The following UTY variants were observed in gnomAD, a reference collection of about 807,000 sequenced individuals.
UTY encodes ubiquitously transcribed tetratricopeptide repeat containing, Y-linked.
Under a neutral mutation model 32.5 loss-of-function variants are expected in UTY, and 12 were observed. The ratio of observed to expected loss-of-function variants is 0.37; its 90% CI spans 0.24 to 0.60. The LOEUF is 0.60. Ranked by LOEUF, UTY falls within the 20% of genes least tolerant of loss-of-function variation. The pLI is 0.69. For missense variants in UTY, 303 were observed against 299.2 expected, an observed-to-expected ratio of 1.01 and a Z score of -0.09; for synonymous variants, 131 against 103.4, an observed-to-expected ratio of 1.27 and a Z score of -1.62.
rs755237252 is a variant in UTY, at chrY:13,251,002, G to A, written c.4308+15C>T. On this transcript the variant is annotated intron_variant, in intron 29 of 29. Transcript: ENST00000545955. ...AACCCACCTAATTAAGTGTACTCACGTGTTAATGACTTACTAGTGTAAATT... is the reference window on the plus strand; with the variant it reads ...AACCCACCTAATTAAGTGTACTCACATGTTAATGACTTACTAGTGTAAATT... 7.6e-6 allele frequency: 3 copies of A among 395,790 alleles called. No homozygotes were observed. The highest frequency in any genetic ancestry group is 9.2e-5 in the East Asian group (1 of 10,813).
chrY:13,411,021 A>T lies in UTY; in HGVS notation c.527T>A (p.Val176Glu). 1 of 396,609 alleles carries T rather than the reference A, an allele frequency of 2.5e-6. No homozygotes were observed. Among genetic ancestry groups the T allele is most frequent in the Non-Finnish European group, 3.5e-6 (1 of 282,903 alleles). Reference sequence around the variant, plus strand: ...TAAACTAGACTTGTAGTCTGTGTTCACTTTGAACATGAGCCCAAGTCGTAA... The same window carrying T: ...TAAACTAGACTTGTAGTCTGTGTTCTCTTTGAACATGAGCCCAAGTCGTAA... ...IHLRLGLMFK[V>E]NTDYKSSLKH... The change falls in exon 6 of 30, where the codon GTG becomes GAG. Residue 176 changes from valine to glutamate, a missense_variant. Val to Glu is a moderately radical substitution (Grantham distance 121, BLOSUM62 -2). Transcript: ENST00000545955.
At chrY:13,240,606 T>C in intron 28 of UTY, among the ~76,000 whole-genome samples, 2 of 33,832 alleles carry the variant, frequency 5.9e-5, no homozygotes, top group Non-Finnish European at 1.5e-4. Context: ...TGAAAGATCC[T>C]CTAGGACAGA....
chrY:13,456,752 C>A, intron 3 of UTY, among the ~76,000 whole-genome samples: 1 of 33,969 alleles, frequency 2.9e-5, no homozygotes, highest in African/African-American at 1.1e-4. Flanking sequence ...TTAGGAATAC[C>A]ATGACTCAGG....
intron 3 of UTY, among the ~76,000 whole-genome samples, chrY:13,454,773 A>G (rs2076631072): frequency 3.3e-5 from 1 of 30,526 alleles, no homozygotes; most frequent in Non-Finnish European, 7.8e-5. Flanking sequence ...CCCTGTCTCT[A>G]CTAAAAATAC....
At chrY:13,342,443 T>C in intron 17 of UTY, among the ~76,000 whole-genome samples, 1 of 33,849 alleles carries the variant, frequency 3.0e-5, no homozygotes, top group East Asian at 7.8e-4. Context: ...CTTGGGCGAA[T>C]TCCTGCTGAC....
chrY:13,457,814 G>A (rs2076893148), intron 3 of UTY, among the ~76,000 whole-genome samples: 2 of 33,242 alleles, frequency 6.0e-5, no homozygotes, highest in African/African-American at 2.4e-4. Flanking sequence ...CCTGTTCAGG[G>A]ACATGCTACA....
chrY:13,330,267 G>A (rs2060580777), intron 18 of UTY, among the ~76,000 whole-genome samples: 1 of 31,083 alleles, frequency 3.2e-5, no homozygotes, highest in African/African-American at 1.3e-4. Flanking sequence ...AGCTCCAGTC[G>A]GCAGCTCCCA....
chrY:13,260,357 G>A lies in UTY; in HGVS notation c.4058C>T (p.Ala1353Val). The A allele has an allele frequency of 2.5e-6, 1 of 396,411 alleles. No homozygotes were observed. Among genetic ancestry groups the A allele is most frequent in the East Asian group, 9.3e-5 (1 of 10,744 alleles). Residue 1353 changes from alanine (A) to valine (V), a missense_variant, in exon 28 of 30, where the codon GCT (alanine) becomes GTT (valine). Coordinates refer to ENST00000545955, the MANE Select transcript of UTY (RefSeq NM_001258249.2). ...AACCTCTTTTCCTGCTGCAACAAGA[G>A]CTTCTCTCAATGTCTGATATTGCTT... ...ILKQYQTLRE[A>V]LVAAGKEVIW...
At chrY:13,265,785 T>C (rs2055721559) in intron 27 of UTY, among the ~76,000 whole-genome samples, 1 of 32,663 alleles carries the variant, frequency 3.1e-5, no homozygotes, top group African/African-American at 1.2e-4. Context: ...TGAATAGGAG[T>C]GGTGAGAGAG....
At chrY:13,355,483 C>G in intron 16 of UTY, 85 bp from the exon 17 acceptor site, 1 of 336,765 alleles carries the variant, frequency 3.0e-6, no homozygotes, top group Non-Finnish European at 4.2e-6. Context: ...CATTTCATGT[C>G]TCTAAAAAAA....
chrY:13,312,401 A>G (rs2059226642), intron 21 of UTY, among the ~76,000 whole-genome samples: 1 of 28,017 alleles, frequency 3.6e-5, no homozygotes, highest in Non-Finnish European at 8.2e-5. Context: ...TCAAAAAAAA[A>G]AAGAGGACAT....
intron 10 of UTY, among the ~76,000 whole-genome samples, chrY:13,365,356 G>A (rs2063975966): frequency 3.9e-5 from 1 of 25,630 alleles, no homozygotes; most frequent in Admixed American, 3.8e-4. Flanking sequence ...AAGTTGCAGT[G>A]AGCCGAGATC....
At chrY:13,360,176 T>C in intron 11 of UTY, among the ~76,000 whole-genome samples, 190 bp from the exon 12 acceptor site, 1 of 32,144 alleles carries the variant, frequency 3.1e-5, no homozygotes, top group Admixed American at 2.9e-4. Context: ...CCTGGGCCTA[T>C]AGGACATGCC....
chrY:13,394,038 T>C, intron 7 of UTY, 145 bp from the exon 8 acceptor site: 1 of 96,904 alleles, frequency 1.0e-5, no homozygotes, highest in Non-Finnish European at 1.9e-5. Context: ...ACTTCTGTTT[T>C]AAACAGAATG....
Position 13,299,158 on chromosome Y carries a change from T to C in UTY, c.3681-14A>G. The stretch of plus-strand genomic sequence containing the variant: ...TTCAAATTATTTCTGAAAAAGAAAA[T>C]AATGAAAATCAGGTTGAAAGGTGTT... On this transcript the variant is annotated splice_polypyrimidine_tract_variant and intron_variant, in intron 25 of 29. Transcript: ENST00000545955. The C allele has an allele frequency of 3.2e-6, 1 of 308,426 alleles. No individual in the cohort carries two copies. The highest frequency in any genetic ancestry group is 1.1e-4 in the Admixed American group (1 of 8,903). 76.9% of individuals were successfully genotyped at this position (308,426 alleles called of 400,897 possible).
intron 27 of UTY, 173 bp downstream of exon 27, chrY:13,297,534 A>G: frequency 3.3e-6 from 1 of 304,189 alleles, no homozygotes; most frequent in Non-Finnish European, 4.5e-6. Flanking sequence ...TTTTAATCTT[A>G]TGAGATTTTA....
intron 8 of UTY, among the ~76,000 whole-genome samples, chrY:13,380,597 C>T (rs2066015947): frequency 9.2e-5 from 3 of 32,666 alleles, no homozygotes; most frequent in Admixed American, 2.8e-4. Flanking sequence ...CCACAGATGG[C>T]GAAAGCTCAC....
chrY:13,330,428 C>A, intron 18 of UTY, among the ~76,000 whole-genome samples: 1 of 33,430 alleles, frequency 3.0e-5, no homozygotes, highest in East Asian at 8.0e-4. Context: ...GTGCAAAGAG[C>A]CCAGGGACCT....
chrY:13,325,517 T>A, intron 19 of UTY, among the ~76,000 whole-genome samples: 2 of 33,829 alleles, frequency 5.9e-5, no homozygotes, highest in Non-Finnish European at 1.5e-4. Flanking sequence ...CTTTATCAAA[T>A]GCTTACGTTG....
Sources: allele counts gnomAD v4.1 joint callset (sites outside exome capture counted in the v4.1 genomes callset), GRCh38; gene constraint gnomAD v4.1.1; transcripts MANE v1.5; gene names NCBI Gene and HGNC (gene_info 2026-07-23, HGNC 2026-07-21).